Variants in SLC43A3 observed in about 807,000 individuals in gnomAD.
SLC43A3 encodes the protein equilibrative nucleobase transporter 1.
A neutral mutation model predicts 53.3 loss-of-function variants in SLC43A3; 33 were observed. The ratio of observed to expected loss-of-function variants is 0.62; its 90% CI spans 0.47 to 0.83. The LOEUF (loss-of-function observed/expected upper bound fraction) is 0.83. Ranked by LOEUF, SLC43A3 falls within the 40% of genes least tolerant of loss-of-function variation. The pLI, the probability that SLC43A3 is intolerant of heterozygous loss-of-function variation, is 0.00. For synonymous variants in SLC43A3, 236 were observed against 246.2 expected (o/e 0.96, Z 0.39); for missense variants, 530 against 610.0 (o/e 0.87, Z 1.38).
At chr11:57,424,471 G>A (rs1943117672) in intron 4 of SLC43A3, among the ~76,000 whole-genome samples, 1 of 152,206 alleles carries the variant, frequency 6.6e-6, no homozygotes, top group South Asian at 2.1e-4. Context: ...TGGGCAAGGC[G>A]CTGTCCTTCT....
intron 3 of SLC43A3, 103 bp downstream of exon 3, chr11:57,425,886 C>T: frequency 7.3e-7 from 1 of 1,377,030 alleles, no homozygotes; most frequent in Admixed American, 1.9e-5. Flanking sequence ...CCCTTCCTCT[C>T]ATCATAGAAA....
In SLC43A3 at chr11:57,416,598, T is replaced by C; in HGVS notation, c.744A>G (p.Ser248=). The change falls in exon 9 of 14, where the codon TCA becomes TCG. Residue 248 remains serine, a synonymous_variant. Transcript: ENST00000395124. The part of the protein sequence containing the change: ...TAEHENRELQ[S]KEFLSAKEET... The stretch of plus-strand genomic sequence containing the variant: ...CTTCCTTCGCTGAAAGGAACTCCTT[T>C]GACTGTAGCTCCCTGTTTTCATGCT... The C allele has an allele frequency of 6.2e-7, 1 of 1,614,150 alleles. No homozygotes were observed. The highest frequency in any genetic ancestry group is 8.5e-7 in the Non-Finnish European group (1 of 1,180,002).
chr11:57,411,014 C>A (rs1942433010), intron 11 of SLC43A3, among the ~76,000 whole-genome samples: 1 of 152,090 alleles, frequency 6.6e-6, no homozygotes, highest in Admixed American at 6.5e-5. Flanking sequence ...TCTTTTTCTT[C>A]CCAGTCTCAG....
chr11:57,418,636 TC>T (rs1169894880), intron 7 of SLC43A3, among the ~76,000 whole-genome samples: 1 of 152,064 alleles, frequency 6.6e-6, no homozygotes, highest in Admixed American at 6.5e-5. Flanking sequence ...ATGCCTGTAA[TC>T]CCAGTACTTT....
intron 5 of SLC43A3, chr11:57,423,749 A>C (rs138185706): frequency 4.2e-6 from 2 of 476,380 alleles, no homozygotes; most frequent in East Asian, 3.2e-5. Context: ...GTTTTGAATA[A>C]ATTCTACTCT....
rs1290680311 is a variant in SLC43A3, at chr11:57,411,259, A to C, written c.1061-1138T>G. 2.6e-5 allele frequency among the ~76,000 whole-genome samples: 4 copies of C among 152,150 alleles called. No homozygotes were observed. The East Asian group carries it at 7.7e-4, about 29-fold the overall frequency. ...ATAAAATAAAATAATAATAGGAAGA[A>C]AACAAGTAAAACAATCTTTAAAAAT... On this transcript the variant is annotated intron_variant, in intron 11 of 13. Coordinates refer to ENST00000395124, the MANE Select transcript of SLC43A3 (RefSeq NM_199329.3).
chr11:57,422,473 TA>T lies in SLC43A3; in HGVS notation c.362-1101del, dbSNP rs557116484. On this transcript the variant is annotated intron_variant, in intron 5 of 13. Transcript: ENST00000395124. Reference sequence around the variant, plus strand: ...CCAGGTGATTTGATGTTTGTTAGTGTAGTTCACGTAGTATGCGTGTGCCCCT... The same window carrying T: ...CCAGGTGATTTGATGTTTGTTAGTGTGTTCACGTAGTATGCGTGTGCCCCT... Among the ~76,000 whole-genome samples the T allele has an allele frequency of 1.8e-3, 267 of 152,330 alleles. 1 individual carries two copies. Among genetic ancestry groups the T allele is most frequent in the African/African-American group, 6.2e-3 (259 of 41,570 alleles).
chr11:57,417,818 C>T lies in SLC43A3; in HGVS notation c.601G>A (p.Val201Ile), dbSNP rs538425435. The change falls in exon 8 of 14, where the codon GTA becomes ATA. Residue 201 changes from valine to isoleucine, a missense_variant. Val to Ile is a conservative substitution (Grantham distance 29). Around this residue, in one of 3 missense-constraint regions of SLC43A3, gnomAD observed 376 missense variants for 386.7 expected, o/e 0.97. Transcript: ENST00000395124. ...GGCATCAGGAGGAAAGTGCGTGCTA[C>T]ATGCCAGGTACTGCAGACAGAGATG... ...IFISVCSTWHVARTFLLMPRG... is the reference protein window; with the variant it reads ...IFISVCSTWHIARTFLLMPRG... 58 of 1,614,184 alleles carry T rather than the reference C, an allele frequency of 3.6e-5. 2 individuals are homozygous for T. In the South Asian group the frequency reaches 5.9e-4, roughly 16 times the overall value.
chr11:57,407,573 C>A lies in SLC43A3; in HGVS notation c.*219G>T. 1 of 507,478 alleles carries A rather than the reference C, an allele frequency of 2.0e-6. No homozygotes were observed. 31.4% of individuals were successfully genotyped at this position (507,478 alleles called of 1,614,324 possible). A position where few individuals can be genotyped will look rare whatever the true frequency, so the allele number is the denominator to read the frequency against. On this transcript the variant is annotated 3_prime_UTR_variant, in exon 14 of 14. Coordinates refer to ENST00000395124, the MANE Select transcript of SLC43A3 (RefSeq NM_199329.3). ...CTTCTGTTTTGAAATAAAGAAGTTCCACATGCCTTTGCTTTGAGTCTGTGT... is the reference window on the plus strand; with the variant it reads ...CTTCTGTTTTGAAATAAAGAAGTTCAACATGCCTTTGCTTTGAGTCTGTGT...
At chr11:57,414,240 G>A (rs907097142) in intron 11 of SLC43A3, among the ~76,000 whole-genome samples, 1 of 152,196 alleles carries the variant, frequency 6.6e-6, no homozygotes, top group Non-Finnish European at 1.5e-5. Flanking sequence ...ACCAGGCATG[G>A]TGCTTCACGC....
intron 7 of SLC43A3, among the ~76,000 whole-genome samples, chr11:57,418,983 G>C (rs141368298): frequency 2.0e-5 from 3 of 152,076 alleles, no homozygotes; most frequent in African/African-American, 7.2e-5. Flanking sequence ...CTGGAACCCT[G>C]TTTTCTAAGG....
chr11:57,421,242 T>C lies in SLC43A3; in HGVS notation c.438+55A>G. 7.4e-6 allele frequency: 11 copies of C among 1,487,142 alleles called. No homozygotes were observed. In the South Asian group the frequency reaches 1.3e-4, roughly 17 times the overall value. 92.1% of individuals were successfully genotyped at this position (1,487,142 alleles called of 1,614,324 possible). On this transcript the variant is annotated intron_variant, in intron 6 of 13. Coordinates refer to ENST00000395124, the MANE Select transcript of SLC43A3 (RefSeq NM_199329.3). Reference sequence around the variant, plus strand: ...CCAATTATAGAAAAGGGTCTCTCCTTCCCTCCACCTTCCCGCCACCCTGCC... The same window carrying C: ...CCAATTATAGAAAAGGGTCTCTCCTCCCCTCCACCTTCCCGCCACCCTGCC...
chr11:57,418,026 G>T, intron 7 of SLC43A3, 139 bp from the exon 8 acceptor site: 1 of 772,068 alleles, frequency 1.3e-6, no homozygotes, highest in Non-Finnish European at 2.0e-6. Context: ...ACACACAATG[G>T]AATATTATTC....
At chr11:57,421,531 C>T (rs564453200) in intron 5 of SLC43A3, among the ~76,000 whole-genome samples, 158 bp from the exon 6 acceptor site, 8 of 152,116 alleles carry the variant, frequency 5.3e-5, no homozygotes, top group Non-Finnish European at 1.2e-4. Context: ...TTTAGGATAC[C>T]GGCCAAGGCT....
At chr11:57,418,030 A>G (rs1942800737) in intron 7 of SLC43A3, 143 bp from the exon 8 acceptor site, 1 of 765,258 alleles carries the variant, frequency 1.3e-6, no homozygotes, top group Non-Finnish European at 2.1e-6. Flanking sequence ...ACAATGGAAT[A>G]TTATTCAGCC....
chr11:57,410,409 A>C (rs1432941327), intron 11 of SLC43A3, among the ~76,000 whole-genome samples: 1 of 151,916 alleles, frequency 6.6e-6, no homozygotes. Context: ...TTACTGCAAT[A>C]CCCTCCTGAC....
At chr11:57,422,918 A>C (rs568325794) in intron 5 of SLC43A3, among the ~76,000 whole-genome samples, 5 of 152,362 alleles carry the variant, frequency 3.3e-5, no homozygotes, top group Admixed American at 3.3e-4. Context: ...TTTGCCCAGC[A>C]TGAGTGCAGA....
At chr11:57,421,424 T>C in intron 5 of SLC43A3, 51 bp from the exon 6 acceptor site, 1 of 1,396,606 alleles carries the variant, frequency 7.2e-7, no homozygotes, top group Non-Finnish European at 1.0e-6. Flanking sequence ...AACCCAAACA[T>C]GGAGCCCCAA....
chr11:57,408,443 TGTA>T (rs1942301276), intron 13 of SLC43A3: 1 of 155,100 alleles, frequency 6.4e-6, no homozygotes, highest in Non-Finnish European at 1.4e-5. Context: ...GGCACATGCC[TGTA>T]GTGTCAGCTA....
Sources: gnomAD v4.1 joint callset for allele counts (sites outside exome capture counted in the v4.1 genomes callset) on GRCh38, gnomAD v4.1.1 for gene constraint, gnomAD v4.1.1 regional missense constraint, MANE v1.5 for transcripts, NCBI Gene and HGNC (gene_info 2026-07-23, HGNC 2026-07-21) for gene names.